Variants in MSTO1 observed in about 807,000 individuals in gnomAD.
MSTO1 encodes the protein protein misato homolog 1.
A neutral mutation model predicts 55.7 loss-of-function variants in MSTO1; 24 were observed. The observed-to-expected ratio is 0.43, with a 90% CI of 0.31 to 0.61. The LOEUF is 0.61. MSTO1 is among the 20% of genes least tolerant of loss of function. The pLI is 0.09. For synonymous variants in MSTO1, 162 were observed against 252.8 expected (o/e 0.64, Z 3.41); for missense variants, 363 against 625.7 (o/e 0.58, Z 4.48).
upstream of MSTO1, among the ~76,000 whole-genome samples, chr1:155,608,297 T>C (rs1450955292): frequency 6.6e-6 from 1 of 152,162 alleles, no homozygotes; most frequent in Non-Finnish European, 1.5e-5. Context: ...TGGTTAGGAC[T>C]ACAGATGTGG....
At position 155,612,429 on chromosome 1, in the gene MSTO1, A is replaced by G. The variant is rs1674394179; in HGVS notation, c.825A>G (p.Arg275=). The change falls in exon 9 of 14, where the codon AGA becomes AGG. Residue 275 remains arginine, a synonymous_variant. Transcript: ENST00000245564. ...TCTTTCTTCACCAGGAGGCCCAGAG[A>G]AACATCTATCGTCTATTAAACACAG... ...PGPYHRGEAQ[R]NIYRLLNTAF... 6.2e-7 allele frequency: 1 copy of G among 1,611,782 alleles called. No individual in the cohort carries two copies. The highest frequency in any genetic ancestry group is 1.7e-5 in the Admixed American group (1 of 59,382).
upstream of MSTO1, among the ~76,000 whole-genome samples, chr1:155,607,725 G>A (rs1028135579): frequency 2.0e-5 from 3 of 152,196 alleles, no homozygotes; most frequent in South Asian, 2.1e-4. Context: ...AATAGTAGCC[G>A]GGCATATTGG....
At chr1:155,586,558 A>G in the MSTO1 span, 55 of 314,246 alleles carry the variant, frequency 1.8e-4, 1 homozygote, top group African/African-American at 9.1e-4. Context: ...ATATTACTCC[A>G]TATTATTAAC....
the MSTO1 span, among the ~76,000 whole-genome samples, chr1:155,593,389 CAT>C: frequency 9.8e-5 from 15 of 152,288 alleles, no homozygotes; most frequent in South Asian, 6.2e-4. Context: ...AGAAGACAAA[CAT>C]GTGTAACGTA....
Position 155,612,945 on chromosome 1 carries a change from G to C in MSTO1, c.1068G>C (p.Leu356=). The C allele has an allele frequency of 6.2e-7, 1 of 1,613,958 alleles. No individual in the cohort carries two copies. The highest frequency in any genetic ancestry group is 8.5e-7 in the Non-Finnish European group (1 of 1,179,862). Residue 356 remains leucine (L), a synonymous_variant, in exon 10 of 14, where the codon CTG becomes CTC. Coordinates refer to ENST00000245564, the MANE Select transcript of MSTO1 (RefSeq NM_018116.4). ...LCSSPVSMVH[L]ADMLSFCGKK... ...CCTCTCCAGTTTCCATGGTTCATCT[G>C]GCTGACATGCTGAGCTTCTGTGGGA...
At chr1:155,563,887 T>C in the MSTO1 span, 4 of 302,894 alleles carry the variant, frequency 1.3e-5, no homozygotes, top group Non-Finnish European at 2.6e-5. Context: ...ATAACGTTTG[T>C]GGGTGTAATT....
chr1:155,583,979 G>T, the MSTO1 span, among the ~76,000 whole-genome samples: 6 of 152,296 alleles, frequency 3.9e-5, no homozygotes, highest in African/African-American at 1.4e-4. Flanking sequence ...GACCACCCCA[G>T]TCTTATTCAC....
At chr1:155,602,455 G>T in the MSTO1 span, among the ~76,000 whole-genome samples, 1 of 152,182 alleles carries the variant, frequency 6.6e-6, no homozygotes, top group East Asian at 1.9e-4. Flanking sequence ...CAGCCTGGGC[G>T]ACAAGAGCGA....
the MSTO1 span, among the ~76,000 whole-genome samples, chr1:155,597,320 A>T: frequency 6.6e-6 from 1 of 151,276 alleles, no homozygotes; most frequent in African/African-American, 2.4e-5. Flanking sequence ...AACACAAAAA[A>T]TTAGTAGGGC....
the MSTO1 span, among the ~76,000 whole-genome samples, chr1:155,573,984 T>C: frequency 6.6e-6 from 1 of 152,008 alleles, no homozygotes; most frequent in Admixed American, 6.6e-5. Context: ...TTTTAAAGGG[T>C]GGGTAATATG....
At chr1:155,607,255 A>G (rs1571195957), upstream of MSTO1, among the ~76,000 whole-genome samples, 1 of 151,820 alleles carries the variant, frequency 6.6e-6, no homozygotes, top group Non-Finnish European at 1.5e-5. Flanking sequence ...GCTCACTGCA[A>G]CCTCCGACTC....
At chr1:155,567,912 G>A in the MSTO1 span, among the ~76,000 whole-genome samples, 8 of 151,382 alleles carry the variant, frequency 5.3e-5, no homozygotes, top group Non-Finnish European at 8.8e-5. Context: ...TGGTGGGCGC[G>A]TGTAATCCCA....
At chr1:155,603,255 C>T in the MSTO1 span, among the ~76,000 whole-genome samples, 4 of 151,814 alleles carry the variant, frequency 2.6e-5, no homozygotes, top group African/African-American at 9.7e-5. Context: ...ATCCCAGCTA[C>T]TTGAGTGGCC....
the MSTO1 span, among the ~76,000 whole-genome samples, chr1:155,585,592 A>T: frequency 5.9e-5 from 9 of 152,112 alleles, no homozygotes; most frequent in Non-Finnish European, 8.8e-5. Flanking sequence ...TAGACATTTA[A>T]CTTAAGTTAT....
the MSTO1 span, among the ~76,000 whole-genome samples, chr1:155,572,808 G>A: frequency 2.0e-5 from 3 of 152,004 alleles, no homozygotes; most frequent in South Asian, 2.1e-4. Context: ...GCGCCACCAC[G>A]TCTGGCTAAT....
the MSTO1 span, among the ~76,000 whole-genome samples, chr1:155,579,105 C>G: frequency 6.6e-6 from 1 of 151,204 alleles, no homozygotes; most frequent in Non-Finnish European, 1.5e-5. Context: ...GTTGGGAGTT[C>G]AAGACCAGCC....
the MSTO1 span, among the ~76,000 whole-genome samples, chr1:155,583,848 G>A: frequency 3.3e-5 from 5 of 152,070 alleles, no homozygotes; most frequent in Admixed American, 2.6e-4. Context: ...TGGTTGTGCC[G>A]GGGAGCATTG....
chr1:155,608,409 G>C (rs1673013467), upstream of MSTO1, among the ~76,000 whole-genome samples: 1 of 151,942 alleles, frequency 6.6e-6, no homozygotes, highest in South Asian at 2.1e-4. Context: ...CGAATTTCTG[G>C]ACTCAAGCGA....
rs766155577 is a variant in MSTO1 at position 155,610,272 on chromosome 1, G to C, written c.24G>C (p.Val8=). 2.3e-6 allele frequency: 2 copies of C among 871,094 alleles called. No individual in the cohort carries two copies. Among genetic ancestry groups the C allele is most frequent in the African/African-American group, 1.7e-5 (1 of 58,594 alleles). The allele number at this position is 871,094 out of a possible 1,614,324, so 54.0% of individuals were successfully genotyped here. Residue 8 remains valine (V), a synonymous_variant, in exon 1 of 14, where the codon GTG becomes GTC. Coordinates refer to ENST00000245564, the MANE Select transcript of MSTO1 (RefSeq NM_018116.4). ...GTATGGCGGGCGGGGCCCGGGAGGT[G>C]CTCACACTGCAGTTGGGACATTTTG... MAGGARE[V]LTLQLGHFAG...
Sources: allele counts gnomAD v4.1 joint callset (sites outside exome capture counted in the v4.1 genomes callset), GRCh38; gene constraint gnomAD v4.1.1; transcripts MANE v1.5; gene names NCBI Gene and HGNC (gene_info 2026-07-23, HGNC 2026-07-21).